Variants in SPOCK1 observed in about 807,000 individuals in gnomAD.
SPOCK1 encodes the protein SPARC (osteonectin), cwcv and kazal like domains proteoglycan 1, also known as testican-1.
Under a neutral mutation model 55.3 loss-of-function variants are expected in SPOCK1, and 23 were observed. The observed-to-expected ratio is 0.42, with a 90% CI of 0.30 to 0.59. SPOCK1 has a LOEUF of 0.59. Ranked by LOEUF, SPOCK1 falls within the 20% of genes least tolerant of loss-of-function variation. The pLI is 0.22. For synonymous variants in SPOCK1, 226 were observed against 221.0 expected (o/e 1.02, Z -0.20); for missense variants, 499 against 552.5 (o/e 0.90, Z 0.97).
intron 2 of SPOCK1, among the ~76,000 whole-genome samples, chr5:137,327,516 T>C (rs1231014765): frequency 1.3e-5 from 2 of 152,222 alleles, no homozygotes; most frequent in African/African-American, 4.8e-5. Flanking sequence ...GAAACTGAGA[T>C]ACCAGTGGTT....
At chr5:137,471,941 C>T (rs1528971) in intron 2 of SPOCK1, among the ~76,000 whole-genome samples, 43,182 of 152,014 alleles carry the variant, frequency 0.28, 6,113 homozygotes, top group Middle Eastern at 0.37. Flanking sequence ...GGCAGAGTGA[C>T]TTCACTCAGG....
At chr5:137,206,984 C>G (rs1755530776) in intron 3 of SPOCK1, among the ~76,000 whole-genome samples, 1 of 152,188 alleles carries the variant, frequency 6.6e-6, no homozygotes, top group African/African-American at 2.4e-5. Context: ...ACATGCTGAA[C>G]CACAGAGGCA....
intron 2 of SPOCK1, among the ~76,000 whole-genome samples, chr5:137,393,031 T>G (rs759943212): frequency 2.6e-5 from 4 of 152,112 alleles, no homozygotes; most frequent in Non-Finnish European, 5.9e-5. Context: ...ATCCAGTGCT[T>G]TCTCCACATC....
chr5:137,136,126 C>T (rs1487187112), intron 4 of SPOCK1, among the ~76,000 whole-genome samples: 1 of 152,176 alleles, frequency 6.6e-6, no homozygotes, highest in Non-Finnish European at 1.5e-5. Context: ...TTTTGCATTA[C>T]AGTTCAGGCT....
At chr5:137,386,843 A>G (rs1751608113) in intron 2 of SPOCK1, among the ~76,000 whole-genome samples, 1 of 152,238 alleles carries the variant, frequency 6.6e-6, no homozygotes, top group East Asian at 1.9e-4. Context: ...CTGCTGTACA[A>G]AAGACAATGT....
At chr5:137,154,708 A>G (rs1473702916) in intron 3 of SPOCK1, among the ~76,000 whole-genome samples, 1 of 152,202 alleles carries the variant, frequency 6.6e-6, no homozygotes, top group Non-Finnish European at 1.5e-5. Flanking sequence ...CTTTATGATC[A>G]TCATAATGCC....
At chr5:137,413,103 C>T (rs1313180110) in intron 2 of SPOCK1, among the ~76,000 whole-genome samples, 1 of 152,110 alleles carries the variant, frequency 6.6e-6, no homozygotes, top group African/African-American at 2.4e-5. Context: ...ATTTAGTTCT[C>T]TATGAGGTAA....
intron 2 of SPOCK1, among the ~76,000 whole-genome samples, chr5:137,440,736 A>G (rs2149831992): frequency 6.6e-6 from 1 of 152,324 alleles, no homozygotes; most frequent in Non-Finnish European, 1.5e-5. Context: ...TCTAAATTTG[A>G]TTTAAGCTTT....
At chr5:137,262,863 A>G (rs574813641) in intron 3 of SPOCK1, among the ~76,000 whole-genome samples, 6 of 152,362 alleles carry the variant, frequency 3.9e-5, no homozygotes, top group African/African-American at 1.4e-4. Flanking sequence ...CTAAATAGGA[A>G]GAGAATGAAA....
intron 3 of SPOCK1, among the ~76,000 whole-genome samples, chr5:137,247,141 G>A (rs2127103855): frequency 6.6e-6 from 1 of 152,318 alleles, no homozygotes; most frequent in African/African-American, 2.4e-5. Context: ...GCAGAACATG[G>A]CAGGCAGAGG....
In SPOCK1 at chr5:137,108,202, G is replaced by C. The variant is rs898983768; in HGVS notation, c.474+4233C>G. 1.6e-4 allele frequency among the ~76,000 whole-genome samples: 25 copies of C among 152,132 alleles called. 1 individual carries two copies. Among genetic ancestry groups the C allele is most frequent in the Admixed American group, 1.6e-3 (25 of 15,278 alleles). Reference sequence around the variant, plus strand: ...TTGAACCTCAATAAATAAGTGGCCAGGTATTTAGGAGCAATGTCTAAAACA... The same window carrying C: ...TTGAACCTCAATAAATAAGTGGCCACGTATTTAGGAGCAATGTCTAAAACA... On this transcript the variant is annotated intron_variant, in intron 5 of 10. Coordinates refer to ENST00000394945, the MANE Select transcript of SPOCK1 (RefSeq NM_004598.4).
chr5:137,070,017 C>T (rs1042039906), intron 5 of SPOCK1, among the ~76,000 whole-genome samples: 1 of 152,158 alleles, frequency 6.6e-6, no homozygotes, highest in Non-Finnish European at 1.5e-5. Context: ...AGCAGCACCT[C>T]CCTGTAGGAG....
intron 3 of SPOCK1, among the ~76,000 whole-genome samples, chr5:137,160,624 T>TTATATAATA (rs1554100853): frequency 1.4e-5 from 1 of 69,340 alleles, no homozygotes; most frequent in African/African-American, 6.4e-5. Flanking sequence ...AATATATATT[T>TTATATAATA]TATATAATAT....
chr5:137,379,871 A>G (rs1246384560), intron 2 of SPOCK1, among the ~76,000 whole-genome samples: 1 of 152,230 alleles, frequency 6.6e-6, no homozygotes, highest in Non-Finnish European at 1.5e-5. Flanking sequence ...CAAGTCATTC[A>G]GACCTTAGGG....
chr5:137,285,292 T>TA (rs1215826401), intron 2 of SPOCK1, among the ~76,000 whole-genome samples: 1 of 152,206 alleles, frequency 6.6e-6, no homozygotes, highest in African/African-American at 2.4e-5. Context: ...TTAAATAAAT[T>TA]ATGAACACAT....
chr5:137,388,107 G>A (rs1171023593), intron 2 of SPOCK1, among the ~76,000 whole-genome samples: 1 of 152,108 alleles, frequency 6.6e-6, no homozygotes, highest in African/African-American at 2.4e-5. Flanking sequence ...GGGAAAAATA[G>A]GAACAGTTAT....
chr5:137,132,610 C>T (rs902618845), intron 4 of SPOCK1, among the ~76,000 whole-genome samples: 80 of 152,316 alleles, frequency 5.3e-4, no homozygotes, highest in African/African-American at 1.9e-3. Flanking sequence ...CCTGGCCCTA[C>T]CATTCCCAGC....
intron 2 of SPOCK1, among the ~76,000 whole-genome samples, chr5:137,366,858 G>T (rs1034987151): frequency 3.3e-5 from 5 of 152,212 alleles, no homozygotes; most frequent in African/African-American, 1.2e-4. Flanking sequence ...GGATGCTCCA[G>T]CTAAGTGTGG....
At chr5:137,377,942 C>CTT (rs3043282) in intron 2 of SPOCK1, among the ~76,000 whole-genome samples, 35,648 of 104,510 alleles carry the variant, frequency 0.34, 6,743 homozygotes, top group Middle Eastern at 0.42. Context: ...TCACTTCTTC[C>CTT]TTTTTTTTTT....
Sources: gnomAD v4.1 joint callset for allele counts (sites outside exome capture counted in the v4.1 genomes callset) on GRCh38, gnomAD v4.1.1 for gene constraint, MANE v1.5 for transcripts, NCBI Gene and HGNC (gene_info 2026-07-23, HGNC 2026-07-21) for gene names.